The following TRIP11 variants were observed in gnomAD, a reference collection of about 807,000 sequenced individuals.
TRIP11 encodes the protein thyroid receptor-interacting protein 11.
Under a neutral mutation model 223.1 loss-of-function variants are expected in TRIP11, and 148 were observed. That is an observed-to-expected ratio of 0.66 (90% confidence interval 0.58 to 0.76). TRIP11 has a LOEUF of 0.76. Among genes scored for constraint, TRIP11 ranks in the 30% least tolerant of loss-of-function variants. TRIP11 has a pLI of 0.00. For missense variants in TRIP11, 2,043 were observed against 2,222.0 expected, an observed-to-expected ratio of 0.92 and a Z score of 1.62; for synonymous variants, 762 against 772.6, an observed-to-expected ratio of 0.99 and a Z score of 0.23.
intron 9 of TRIP11, among the ~76,000 whole-genome samples, chr14:92,008,651 C>T (rs574277140): frequency 1.3e-5 from 2 of 152,176 alleles, no homozygotes; most frequent in South Asian, 4.1e-4. Flanking sequence ...ATATTAAAGC[C>T]TTCTTTCATT....
chr14:92,023,979 C>T (rs567977086), intron 3 of TRIP11, among the ~76,000 whole-genome samples: 4 of 151,916 alleles, frequency 2.6e-5, no homozygotes, highest in East Asian at 3.9e-4. Context: ...TCTCAGCCTC[C>T]CAAGTAGCTG....
intron 4 of TRIP11, among the ~76,000 whole-genome samples, chr14:92,018,455 T>C (rs535035801): frequency 6.6e-6 from 1 of 152,230 alleles, no homozygotes; most frequent in Admixed American, 6.5e-5. Flanking sequence ...AATAAATAAA[T>C]AAAACAACTT....
chr14:91,972,392 A>G (rs1250503777), intron 20 of TRIP11, among the ~76,000 whole-genome samples: 3 of 152,262 alleles, frequency 2.0e-5, no homozygotes, highest in South Asian at 2.1e-4. Context: ...TGGCCAAGAA[A>G]GATGTAACCA....
intron 1 of TRIP11, among the ~76,000 whole-genome samples, chr14:92,033,529 A>C (rs1171907465): frequency 6.6e-6 from 1 of 152,174 alleles, no homozygotes; most frequent in Non-Finnish European, 1.5e-5. Context: ...GTTGTGGGAA[A>C]TTAAGCTTTA....
intron 16 of TRIP11, among the ~76,000 whole-genome samples, chr14:91,981,923 T>C (rs1416290871): frequency 2.7e-5 from 4 of 150,842 alleles, no homozygotes; most frequent in Non-Finnish European, 5.9e-5. Context: ...AAGACCAGCC[T>C]GAGCAACATA....
chr14:92,038,225 C>T (rs2057344754), intron 1 of TRIP11, among the ~76,000 whole-genome samples: 1 of 152,114 alleles, frequency 6.6e-6, no homozygotes, highest in Non-Finnish European at 1.5e-5. Flanking sequence ...ACAAAATGAA[C>T]ACCACCTTAA....
chr14:91,969,951 T>A, intron 20 of TRIP11, 58 bp from the exon 21 acceptor site: 3 of 1,475,298 alleles, frequency 2.0e-6, no homozygotes, highest in Non-Finnish European at 2.8e-6. Context: ...CAAAATGAAA[T>A]AACTCTGAAT....
chr14:92,006,062 A>T lies in TRIP11; in HGVS notation c.1914T>A (p.Asn638Lys). 2 of 1,582,208 alleles carry T rather than the reference A, an allele frequency of 1.3e-6. No homozygotes were observed. The highest frequency in any genetic ancestry group is 8.6e-7 in the Non-Finnish European group (1 of 1,169,508). Residue 638 changes from asparagine to lysine, a missense_variant, in exon 11 of 21, where the codon AAT (asparagine) becomes AAA (lysine). Transcript: ENST00000267622. The part of the protein sequence containing the change: ...MQSLNQDSNS[N>K]FKDTLLKERE... ...TTTCTTTAAGTAAGGTATCCTTAAA[A>T]TTACTATTAGAGTCTTGATTTAGAG...
In TRIP11 at chr14:92,010,912, G is replaced by A; in HGVS notation, c.1314+74C>T. 3 of 1,311,294 alleles carry A rather than the reference G, an allele frequency of 2.3e-6. No individual in the cohort carries two copies. The South Asian group carries it at 3.5e-5, about 15-fold the overall frequency. 81.2% of individuals were successfully genotyped at this position (1,311,294 alleles called of 1,614,324 possible). On this transcript the variant is annotated intron_variant, in intron 9 of 20. Coordinates refer to ENST00000267622, the MANE Select transcript of TRIP11 (RefSeq NM_004239.4). ...GCTCAATTACTCAACATTCCATTTG[G>A]ATATCAACTGGCCCTTGGCTGTGAC...
rs1157043343 is a variant in TRIP11 at position 92,007,669 on chromosome 14, A to G, written c.1498T>C (p.Leu500=). 1.2e-6 allele frequency: 2 copies of G among 1,613,396 alleles called. No homozygotes were observed. The highest frequency in any genetic ancestry group is 1.3e-5 in the African/African-American group (1 of 74,916). The change falls in exon 10 of 21, where the codon TTG becomes CTG. Residue 500 remains leucine (L), a synonymous_variant. Transcript: ENST00000267622. ...KETLIAEIEE[L]DRQNQEATKH... is the part of the protein sequence containing the mutation. ...GTAGCTTCTTGATTCTGTCTGTCCA[A>G]TTCTTCTATCTCAGCTATCAGTGTT...
chr14:92,013,008 C>A (rs1203071699), intron 7 of TRIP11, among the ~76,000 whole-genome samples: 3 of 152,154 alleles, frequency 2.0e-5, no homozygotes, highest in Non-Finnish European at 2.9e-5. Flanking sequence ...GTGGCTCACG[C>A]CTGTAATCCC....
In TRIP11 at chr14:92,005,653, T is replaced by C. The variant is rs146433752; in HGVS notation, c.2323A>G (p.Ile775Val). 4 of 1,613,736 alleles carry C rather than the reference T, an allele frequency of 2.5e-6. No homozygotes were observed. The highest frequency in any genetic ancestry group is 3.3e-5 in the Admixed American group (2 of 60,010). ...IKLNQKKDMEIAELKKNIEQM... is the reference protein window; with the variant it reads ...IKLNQKKDMEVAELKKNIEQM... ...TCAATATTCTTTTTGAGTTCTGCTATTTCCATGTCTTTCTTTTGATTGAGT... is the reference window on the plus strand; with the variant it reads ...TCAATATTCTTTTTGAGTTCTGCTACTTCCATGTCTTTCTTTTGATTGAGT... The change falls in exon 11 of 21, where the codon ATA becomes GTA. Residue 775 changes from isoleucine to valine, a missense_variant. By Grantham distance (29) the Ile-to-Val change is conservative (BLOSUM62 3). Coordinates refer to ENST00000267622, the MANE Select transcript of TRIP11 (RefSeq NM_004239.4).
At chr14:92,030,203 C>CA (rs55828319) in intron 2 of TRIP11, among the ~76,000 whole-genome samples, 932 of 66,968 alleles carry the variant, frequency 0.014, 30 homozygotes, top group African/African-American at 0.041. Context: ...GACTCCGTCT[C>CA]AAAAAAAAAA....
intron 16 of TRIP11, among the ~76,000 whole-genome samples, chr14:91,986,366 T>C (rs1334504032): frequency 6.6e-6 from 1 of 152,142 alleles, no homozygotes; most frequent in African/African-American, 2.4e-5. Context: ...AATATCTACA[T>C]TATAGTACTA....
intron 15 of TRIP11, among the ~76,000 whole-genome samples, chr14:91,992,684 C>T (rs1035873147): frequency 3.3e-5 from 5 of 151,874 alleles, no homozygotes; most frequent in East Asian, 3.9e-4. Context: ...CCAAGGCGGG[C>T]GGATCACGAG....
At chr14:91,996,521 G>A (rs1022873226) in intron 13 of TRIP11, among the ~76,000 whole-genome samples, 3 of 152,140 alleles carry the variant, frequency 2.0e-5, no homozygotes, top group Admixed American at 6.5e-5. Context: ...TAGCCTGGGC[G>A]ACAGAGTGAG....
Position 91,973,064 on chromosome 14 carries a change from C to T in TRIP11, c.5575-203G>A, listed in dbSNP as rs140534772. Among the ~76,000 whole-genome samples the T allele has an allele frequency of 0.015, 2,052 of 141,362 alleles. 22 individuals are homozygous for T. Among genetic ancestry groups the T allele is most frequent in the Middle Eastern group, 0.024 (6 of 248 alleles). 92.7% of individuals were successfully genotyped at this position (141,362 alleles called of 152,430 possible). A position where few individuals can be genotyped will look rare whatever the true frequency, so the allele number is the denominator to read the frequency against. ...TTTTTGAGACGGTGTCTTGCTCTGT[C>T]GCCCAGGCTGGAGTGCAATGGCACT... On this transcript the variant is annotated intron_variant, in intron 19 of 20. Coordinates refer to ENST00000267622, the MANE Select transcript of TRIP11 (RefSeq NM_004239.4).
At chr14:92,000,254 T>A in intron 11 of TRIP11, 146 bp from the exon 12 acceptor site, 1 of 1,324,618 alleles carries the variant, frequency 7.5e-7, no homozygotes, top group Non-Finnish European at 1.0e-6. Context: ...TCAGAGAGAC[T>A]CCTAGTTAAT....
rs1595388288 is a variant in TRIP11 at position 92,005,149 on chromosome 14, A to C, written c.2827T>G (p.Phe943Val). 6.2e-7 allele frequency: 1 copy of C among 1,613,492 alleles called. No individual in the cohort carries two copies. ...LQEQKKEMDE[F>V]RYQHEQMNAT... ...TTCATTTGCTCATGCTGGTATCTAA[A>C]CTCATCCATTTCCTTCTTTTGCTCT... The change falls in exon 11 of 21, where the codon TTT becomes GTT. Residue 943 changes from phenylalanine (F) to valine (V), a missense_variant. By Grantham distance (50) the Phe-to-Val change is conservative. Transcript: ENST00000267622.
Sources: gnomAD v4.1 joint callset for allele counts (sites outside exome capture counted in the v4.1 genomes callset) on GRCh38, gnomAD v4.1.1 for gene constraint, MANE v1.5 for transcripts, NCBI Gene and HGNC (gene_info 2026-07-23, HGNC 2026-07-21) for gene names.